Variants in HPSE2 observed in about 807,000 individuals in gnomAD.
HPSE2 encodes inactive heparanase-2.
HPSE2 carries 38 observed loss-of-function variants against 60.5 expected under a neutral mutation model. The ratio of observed to expected loss-of-function variants is 0.63; its 90% confidence interval spans 0.48 to 0.82. The LOEUF is 0.82. Ranked by LOEUF, HPSE2 falls within the 40% of genes least tolerant of loss-of-function variation. HPSE2 has a pLI of 0.00. For missense variants in HPSE2, 713 were observed against 740.4 expected (o/e 0.96, Z 0.43); for synonymous variants, 295 against 293.2 (o/e 1.01, Z -0.06).
At chr10:98,526,657 T>C (rs1349202693) in intron 9 of HPSE2, among the ~76,000 whole-genome samples, 2 of 152,154 alleles carry the variant, frequency 1.3e-5, no homozygotes, top group Non-Finnish European at 2.9e-5. Flanking sequence ...AGTTTACAGA[T>C]GACACTAATG....
intron 9 of HPSE2, among the ~76,000 whole-genome samples, chr10:98,555,105 G>A (rs867801848): frequency 1.1e-4 from 17 of 152,170 alleles, no homozygotes; most frequent in African/African-American, 3.9e-4. Flanking sequence ...CATAGTCCAT[G>A]CTTTAGGAGG....
At chr10:99,063,615 A>G (rs1842518759) in intron 3 of HPSE2, among the ~76,000 whole-genome samples, 1 of 152,226 alleles carries the variant, frequency 6.6e-6, no homozygotes, top group African/African-American at 2.4e-5. Context: ...TAAATTGTCA[A>G]TCAGAAATAT....
chr10:98,932,718 T>C (rs759036437), intron 3 of HPSE2, among the ~76,000 whole-genome samples: 1 of 142,924 alleles, frequency 7.0e-6, no homozygotes, highest in African/African-American at 2.9e-5. Flanking sequence ...GGTGTATGTG[T>C]CCAGGAATTT....
chr10:98,651,529 A>C (rs1946914016), intron 6 of HPSE2, among the ~76,000 whole-genome samples: 2 of 152,160 alleles, frequency 1.3e-5, no homozygotes, highest in South Asian at 4.1e-4. Flanking sequence ...CTTTTAAAAA[A>C]TTTCAAGGAA....
intron 3 of HPSE2, among the ~76,000 whole-genome samples, chr10:99,143,449 A>G (rs1037620487): frequency 1.3e-5 from 2 of 152,214 alleles, no homozygotes; most frequent in African/African-American, 4.8e-5. Flanking sequence ...TTTAATATTC[A>G]TAAACAAGGG....
chr10:99,203,132 G>T (rs376234018), intron 2 of HPSE2, among the ~76,000 whole-genome samples: 5 of 152,064 alleles, frequency 3.3e-5, no homozygotes, highest in Middle Eastern at 3.4e-3. Context: ...CCACGAGGAT[G>T]ACCCCAGCAG....
chr10:99,229,020 C>T (rs1849562009), intron 2 of HPSE2, among the ~76,000 whole-genome samples: 1 of 151,834 alleles, frequency 6.6e-6, no homozygotes, highest in Non-Finnish European at 1.5e-5. Flanking sequence ...ACTAAAAATA[C>T]AAAAATTAGC....
chr10:98,887,104 C>T (rs1252848094), intron 3 of HPSE2, among the ~76,000 whole-genome samples: 2 of 152,048 alleles, frequency 1.3e-5, no homozygotes, highest in African/African-American at 4.8e-5. Flanking sequence ...AATGAGTTTT[C>T]CTATATCACA....
intron 3 of HPSE2, among the ~76,000 whole-genome samples, chr10:98,849,023 A>G (rs1191109695): frequency 1.3e-5 from 2 of 152,214 alleles, no homozygotes; most frequent in African/African-American, 4.8e-5. Context: ...AGACAAAAAA[A>G]AAAAAATTAT....
chr10:98,701,399 C>A (rs1365894881), intron 5 of HPSE2, among the ~76,000 whole-genome samples: 1 of 148,658 alleles, frequency 6.7e-6, no homozygotes, highest in Non-Finnish European at 1.5e-5. Context: ...AACAAAAAAC[C>A]AAACACCAAA....
At chr10:98,585,637 G>A (rs1462840107) in intron 9 of HPSE2, among the ~76,000 whole-genome samples, 1 of 150,388 alleles carries the variant, frequency 6.6e-6, no homozygotes. Context: ...TTATGCTAAA[G>A]AAGTATGTTT....
At chr10:98,885,705 T>A (rs971212153) in intron 3 of HPSE2, among the ~76,000 whole-genome samples, 1 of 152,132 alleles carries the variant, frequency 6.6e-6, no homozygotes, top group African/African-American at 2.4e-5. Flanking sequence ...AATTAATGTA[T>A]GTACTTTTTA....
chr10:98,969,595 A>G (rs889042559), intron 3 of HPSE2, among the ~76,000 whole-genome samples: 1 of 152,186 alleles, frequency 6.6e-6, no homozygotes. Flanking sequence ...TTAAGAAGAA[A>G]CATGATGTAG....
chr10:98,879,194 G>A (rs929036862), intron 3 of HPSE2, among the ~76,000 whole-genome samples: 1 of 152,146 alleles, frequency 6.6e-6, no homozygotes, highest in East Asian at 1.9e-4. Context: ...TTTTTACCAT[G>A]TAAATGGTAT....
chr10:98,868,074 AAAGAAAAT>A (rs775648566), intron 3 of HPSE2, among the ~76,000 whole-genome samples: 2,726 of 104,662 alleles, frequency 0.026, 34 homozygotes, highest in Non-Finnish European at 0.031. Flanking sequence ...AAAAAGAAAG[AAAGAAAAT>A]AAATAAATAA....
At chr10:99,238,794 A>G (rs7906878), upstream of HPSE2, among the ~76,000 whole-genome samples, 4,241 of 152,268 alleles carry the variant, frequency 0.028, 196 homozygotes, top group African/African-American at 0.097. Flanking sequence ...GTGCTAGGTG[A>G]CAGCAATCTG....
Position 98,743,986 on chromosome 10 carries a change from T to G in HPSE2, c.681A>C (p.Ala227=). 6.2e-7 allele frequency: 1 copy of G among 1,614,150 alleles called. No homozygotes were observed. Among genetic ancestry groups the G allele is most frequent in the Non-Finnish European group, 8.5e-7 (1 of 1,179,988 alleles). Residue 227 remains alanine (A), a synonymous_variant, in exon 4 of 12, where the codon GCA becomes GCC. Coordinates refer to ENST00000370552, the MANE Select transcript of HPSE2 (RefSeq NM_021828.5). ...SGLHLIFALN[A]LRRNPNNSWN... ...AGGAGTTATTGGGATTACGACGCAG[T>G]GCATTTAGAGCAAATATCAGGTGGA...
intron 3 of HPSE2, among the ~76,000 whole-genome samples, chr10:98,749,947 T>TATATATATATATACACACACAC: frequency 1.5e-3 from 147 of 98,458 alleles, no homozygotes; most frequent in East Asian, 8.5e-3. Flanking sequence ...TATATATATA[T>TATATATATATATACACACACAC]ACACACACAC....
At position 99,105,926 on chromosome 10, in the gene HPSE2, G is replaced by C. The variant is rs115621463; in HGVS notation, c.610+38312C>G. On this transcript the variant is annotated intron_variant, in intron 3 of 11. Coordinates refer to ENST00000370552, the MANE Select transcript of HPSE2 (RefSeq NM_021828.5). ...TTAATACCTTTGTCAAAAATCATAA[G>C]CGATTATTGCAAACTCTTAATTCTG... is the stretch of plus-strand genomic sequence containing the variant. 9.2e-3 allele frequency among the ~76,000 whole-genome samples: 1,393 copies of C among 152,048 alleles called. 17 individuals carry two copies. Among genetic ancestry groups the C allele is most frequent in the African/African-American group, 0.031 (1,299 of 41,498 alleles).
Sources: gnomAD v4.1 joint callset for allele counts (sites outside exome capture counted in the v4.1 genomes callset) on GRCh38, gnomAD v4.1.1 for gene constraint, MANE v1.5 for transcripts, NCBI Gene and HGNC (gene_info 2026-07-23, HGNC 2026-07-21) for gene names.